The following OSTN variants were observed in gnomAD, a reference collection of about 807,000 sequenced individuals.
OSTN encodes the protein osteocrin.
Under a neutral mutation model 12.0 loss-of-function variants are expected in OSTN, and 9 were observed. The observed-to-expected ratio is 0.75, with a 90% CI of 0.45 to 1.30. The LOEUF (loss-of-function observed/expected upper bound fraction) is 1.30, where lower values mean the gene tolerates loss of function less well. Ranked by LOEUF, OSTN falls within the 50% of genes most tolerant of loss-of-function variation. OSTN has a pLI of 0.00. For synonymous variants in OSTN, 59 were observed against 56.9 expected (o/e 1.04, Z -0.16); for missense variants, 148 against 152.3 (o/e 0.97, Z 0.15).
intron 1 of OSTN, among the ~76,000 whole-genome samples, chr3:191,205,652 G>A (rs1235199820): frequency 6.6e-6 from 1 of 151,858 alleles, no homozygotes; most frequent in Non-Finnish European, 1.5e-5. Context: ...TCAAAATGCA[G>A]GAGAGTAGTA....
chr3:191,250,143 A>G lies in OSTN; in HGVS notation c.*12+10A>G, dbSNP rs2108552157. 1 of 1,556,164 alleles carries G rather than the reference A, an allele frequency of 6.4e-7. No homozygotes were observed. The highest frequency in any genetic ancestry group is 2.2e-5 in the East Asian group (1 of 44,586). On this transcript the variant is annotated intron_variant, in intron 4 of 4. Coordinates refer to ENST00000682035, the MANE Select transcript of OSTN (RefSeq NM_198184.2). ...CTAATTGATTCCAATTGTGAGTACA[A>G]TTTGAATAAGTAACAGTATATGCAG...
rs186639496 is a variant in OSTN, at chr3:191,259,459, C to T, written c.*13-3407C>T. On this transcript the variant is annotated intron_variant, in intron 4 of 4. Transcript: ENST00000682035. ...ATCATGATCCACCCGCCTTGGCCTC[C>T]CGAAGTGCTGGGATTACAGGCGTGA... Among the ~76,000 whole-genome samples the T allele has an allele frequency of 6.7e-3, 1,023 of 151,748 alleles. 21 individuals carry two copies. The highest frequency in any genetic ancestry group is 0.03 in the South Asian group (142 of 4,812).
intron 1 of OSTN, among the ~76,000 whole-genome samples, chr3:191,211,009 T>C (rs181172242): frequency 2.0e-5 from 3 of 152,338 alleles, no homozygotes; most frequent in Admixed American, 2.0e-4. Flanking sequence ...TTGTGCTCAC[T>C]ACCCAGAATT....
At chr3:191,207,472 T>C (rs139455896) in intron 1 of OSTN, among the ~76,000 whole-genome samples, 1 of 151,906 alleles carries the variant, frequency 6.6e-6, no homozygotes, top group Non-Finnish European at 1.5e-5. Context: ...GATCAGATAC[T>C]GGCTTACATT....
At chr3:191,224,919 A>G (rs1714872070) in intron 3 of OSTN, among the ~76,000 whole-genome samples, 1 of 152,116 alleles carries the variant, frequency 6.6e-6, no homozygotes, top group Non-Finnish European at 1.5e-5. Context: ...CAGCAAAAAA[A>G]TGTAGAAAGA....
At chr3:191,225,011 T>A (rs1420853831) in intron 3 of OSTN, among the ~76,000 whole-genome samples, 1 of 152,018 alleles carries the variant, frequency 6.6e-6, no homozygotes, top group African/African-American at 2.4e-5. Context: ...AGTAAGTTTA[T>A]AAAGCACAAC....
intron 3 of OSTN, among the ~76,000 whole-genome samples, chr3:191,241,669 G>T (rs1715325509): frequency 1.3e-5 from 2 of 152,154 alleles, no homozygotes; most frequent in Admixed American, 1.3e-4. Context: ...AGGAAAAAAA[G>T]TTTTAATGAC....
chr3:191,208,604 G>A (rs1257262838), intron 1 of OSTN, among the ~76,000 whole-genome samples: 1 of 151,972 alleles, frequency 6.6e-6, no homozygotes, highest in Non-Finnish European at 1.5e-5. Context: ...ATACACCCAA[G>A]CACAAAAATA....
At chr3:191,210,700 G>C (rs1422647216) in intron 1 of OSTN, among the ~76,000 whole-genome samples, 1 of 152,148 alleles carries the variant, frequency 6.6e-6, no homozygotes, top group Non-Finnish European at 1.5e-5. Flanking sequence ...TTTACCCCCA[G>C]CAGGTTTTCC....
chr3:191,226,154 T>G (rs1053320805), intron 3 of OSTN, among the ~76,000 whole-genome samples: 1 of 152,026 alleles, frequency 6.6e-6, no homozygotes, highest in Admixed American at 6.6e-5. Context: ...TGTTAGCAAA[T>G]AGAATCCAAC....
intron 3 of OSTN, among the ~76,000 whole-genome samples, chr3:191,231,553 TG>T (rs778742960): frequency 5.9e-5 from 9 of 152,234 alleles, no homozygotes; most frequent in Non-Finnish European, 8.8e-5. Context: ...AGAATTTTAC[TG>T]CTTCCTTATG....
rs34157872 is a variant in OSTN, at chr3:191,246,604, C to CA, written c.318-3420dup. 5.9e-3 allele frequency among the ~76,000 whole-genome samples: 632 copies of CA among 106,846 alleles called. 5 individuals carry two copies. Among genetic ancestry groups the CA allele is most frequent in the African/African-American group, 0.021 (535 of 24,990 alleles). 70.1% of individuals were successfully genotyped at this position (106,846 alleles called of 152,430 possible). On this transcript the variant is annotated intron_variant, in intron 3 of 4. Coordinates refer to ENST00000682035, the MANE Select transcript of OSTN (RefSeq NM_198184.2). ...TGGGTGACAGAGCTAGACCCTGTATCAAAAAAAAAAAAAGAAAGAAAGAAA... is the reference window on the plus strand; with the variant it reads ...TGGGTGACAGAGCTAGACCCTGTATCAAAAAAAAAAAAAAGAAAGAAAGAAA...
chr3:191,260,682 C>T (rs1233789979), intron 4 of OSTN, among the ~76,000 whole-genome samples: 1 of 152,112 alleles, frequency 6.6e-6, no homozygotes, highest in Non-Finnish European at 1.5e-5. Context: ...TTTAGGATGG[C>T]CACCTGATGT....
At chr3:191,209,758 T>C (rs1161395988) in intron 1 of OSTN, among the ~76,000 whole-genome samples, 1 of 152,250 alleles carries the variant, frequency 6.6e-6, no homozygotes, top group African/African-American at 2.4e-5. Flanking sequence ...TCTACACTGT[T>C]GCATAGTGAC....
intron 3 of OSTN, among the ~76,000 whole-genome samples, chr3:191,228,344 T>A (rs1460354852): frequency 6.6e-6 from 1 of 152,196 alleles, no homozygotes; most frequent in Non-Finnish European, 1.5e-5. Context: ...AAGGTTCATT[T>A]TCAATGGGCA....
chr3:191,260,611 A>G (rs1715784583), intron 4 of OSTN, among the ~76,000 whole-genome samples: 1 of 152,248 alleles, frequency 6.6e-6, no homozygotes, highest in African/African-American at 2.4e-5. Context: ...TTCTTATGAC[A>G]AACCCCCGCC....
Position 191,264,159 on chromosome 3 carries a change from G to A in OSTN, c.*1306G>A, listed in dbSNP as rs1715869570. The A allele has an allele frequency of 6.6e-6, 1 of 152,020 alleles. No homozygotes were observed. Among genetic ancestry groups the A allele is most frequent in the African/African-American group, 2.4e-5 (1 of 41,420 alleles). 9.4% of individuals were successfully genotyped at this position (152,020 alleles called of 1,614,324 possible). A position where few individuals can be genotyped will look rare whatever the true frequency, so the allele number is the denominator to read the frequency against. ...AAGGTGTCTTAATTTTAAAGGAAGA[G>A]GAGAGAAATGGGCAATTGCTAATCT... On this transcript the variant is annotated 3_prime_UTR_variant, in exon 5 of 5. Transcript: ENST00000682035.
chr3:191,221,887 A>T (rs1188916833), intron 3 of OSTN, among the ~76,000 whole-genome samples: 2 of 152,190 alleles, frequency 1.3e-5, no homozygotes, highest in African/African-American at 4.8e-5. Flanking sequence ...GGAGGGATAA[A>T]TGGTTTCTTG....
chr3:191,259,852 C>CTT (rs372562335), intron 4 of OSTN, among the ~76,000 whole-genome samples: 2,712 of 132,460 alleles, frequency 0.02, 78 homozygotes, highest in African/African-American at 0.042. Flanking sequence ...ATGTATCCTT[C>CTT]TTTTTTTTTT....
Sources: allele counts gnomAD v4.1 joint callset (sites outside exome capture counted in the v4.1 genomes callset), GRCh38; gene constraint gnomAD v4.1.1; transcripts MANE v1.5; gene names NCBI Gene and HGNC (gene_info 2026-07-23, HGNC 2026-07-21).